PCED1B: variants seen among roughly 807,000 people sequenced by gnomAD.
PCED1B encodes PC-esterase domain containing 1B.
For synonymous variants in PCED1B, 251 were observed against 246.1 expected (o/e 1.02, Z -0.19); for missense variants, 573 against 573.9 (o/e 1.00, Z 0.02).
intron 3 of PCED1B, among the ~76,000 whole-genome samples, chr12:47,217,493 A>AAAGAAAGAAAGAAAG (rs1943321310): frequency 7.3e-6 from 1 of 136,458 alleles, no homozygotes; most frequent in Non-Finnish European, 1.5e-5. Flanking sequence ...AGAAAGAAAG[A>AAAGAAAGAAAGAAAG]AAGAAAGAAA....
rs114032126 is a variant in PCED1B, at chr12:47,124,241, T to A, written c.-526+20046T>A. On this transcript the variant is annotated intron_variant, in intron 2 of 3. Coordinates refer to ENST00000546455, the MANE Select transcript of PCED1B (RefSeq NM_138371.3). ...TTTTACCACTATAGATTAGTTTTAA[T>A]TTTTTATAATTTTACATAATGGAAT... is the stretch of plus-strand genomic sequence containing the variant. 5.1e-3 allele frequency among the ~76,000 whole-genome samples: 774 copies of A among 152,142 alleles called. 6 individuals carry two copies. The highest frequency in any genetic ancestry group is 0.017 in the African/African-American group (706 of 41,572).
intron 3 of PCED1B, among the ~76,000 whole-genome samples, chr12:47,218,879 G>T (rs1943386843): frequency 6.6e-6 from 1 of 151,960 alleles, no homozygotes; most frequent in African/African-American, 2.4e-5. Flanking sequence ...GGTGACTCAG[G>T]CCTGTAATCC....
chr12:47,120,968 T>A (rs1378712725), intron 2 of PCED1B, among the ~76,000 whole-genome samples: 1 of 152,106 alleles, frequency 6.6e-6, no homozygotes, highest in Admixed American at 6.5e-5. Context: ...AGAAGGTAGA[T>A]TCGTGGCTGC....
intron 1 of PCED1B, among the ~76,000 whole-genome samples, chr12:47,080,718 A>G (rs1474644001): frequency 6.6e-6 from 1 of 152,168 alleles, no homozygotes; most frequent in Non-Finnish European, 1.5e-5. Flanking sequence ...CAAAGATAAG[A>G]GTATTAACCC....
At chr12:47,132,633 C>A (rs1052221623) in intron 2 of PCED1B, among the ~76,000 whole-genome samples, 1 of 152,096 alleles carries the variant, frequency 6.6e-6, no homozygotes, top group African/African-American at 2.4e-5. Flanking sequence ...TCCAGACAAC[C>A]CTAACTAAAC....
rs75778221 is a variant in PCED1B, at chr12:47,139,207, C to A, written c.-526+35012C>A. Among the ~76,000 whole-genome samples the A allele has an allele frequency of 5.2e-3, 789 of 152,110 alleles. 6 individuals carry two copies. The highest frequency in any genetic ancestry group is 0.017 in the African/African-American group (722 of 41,508). ...AAGTTACTTCTCTTTTTGAAGCTTC[C>A]CTCCTGTTGTGTGCAAAATGAGGAT... On this transcript the variant is annotated intron_variant, in intron 2 of 3. Transcript: ENST00000546455.
rs1255973674 is a variant in PCED1B, at chr12:47,234,987, C to T, written c.-57-20C>T. ...GCCCAGAGGTGAGTCCCTCCCAGCCCTTCTCTCCTTCTGTCCTAGCCATCC... is the reference window on the plus strand; with the variant it reads ...GCCCAGAGGTGAGTCCCTCCCAGCCTTTCTCTCCTTCTGTCCTAGCCATCC... On this transcript the variant is annotated intron_variant, in intron 3 of 3. Transcript: ENST00000546455. The T allele has an allele frequency of 5.8e-6, 8 of 1,387,178 alleles. No individual in the cohort carries two copies. Among genetic ancestry groups the T allele is most frequent in the South Asian group, 3.1e-5 (2 of 64,406 alleles). The allele number at this position is 1,387,178 out of a possible 1,614,324, so 85.9% of individuals were successfully genotyped here.
chr12:47,211,154 C>G (rs1038813050), intron 2 of PCED1B, among the ~76,000 whole-genome samples: 6 of 152,146 alleles, frequency 3.9e-5, no homozygotes, highest in Admixed American at 3.3e-4. Context: ...ACATTGAATT[C>G]TAGTTATCTG....
chr12:47,230,664 A>AC (rs1379783622), intron 3 of PCED1B, among the ~76,000 whole-genome samples: 2 of 149,244 alleles, frequency 1.3e-5, no homozygotes, highest in Non-Finnish European at 3.0e-5. Context: ...CTGGTCTTGA[A>AC]CTCCTGATCT....
chr12:47,143,864 A>G (rs1333194680), intron 2 of PCED1B, among the ~76,000 whole-genome samples: 1 of 152,228 alleles, frequency 6.6e-6, no homozygotes, highest in Non-Finnish European at 1.5e-5. Context: ...AAATAGACAC[A>G]TAGATAAACA....
At chr12:47,166,025 C>T (rs1015344291) in intron 2 of PCED1B, among the ~76,000 whole-genome samples, 5 of 152,162 alleles carry the variant, frequency 3.3e-5, no homozygotes, top group Admixed American at 1.3e-4. Context: ...CACCACGAGA[C>T]TTGATTAAAC....
chr12:47,192,170 TTTG>T (rs1565593004), intron 2 of PCED1B, among the ~76,000 whole-genome samples: 7 of 151,152 alleles, frequency 4.6e-5, no homozygotes, highest in Non-Finnish European at 8.8e-5. Flanking sequence ...GCTTTTTTTT[TTTG>T]TTTTTTTTTT....
At chr12:47,153,534 T>G (rs1157245377) in intron 2 of PCED1B, among the ~76,000 whole-genome samples, 3 of 152,076 alleles carry the variant, frequency 2.0e-5, no homozygotes, top group African/African-American at 7.2e-5. Context: ...CCTTTGAATA[T>G]AAGGACAAAG....
At chr12:47,161,469 A>G (rs1448718271) in intron 2 of PCED1B, among the ~76,000 whole-genome samples, 1 of 152,194 alleles carries the variant, frequency 6.6e-6, no homozygotes, top group African/African-American at 2.4e-5. Flanking sequence ...TGTTTTGATT[A>G]CTATAACTGT....
intron 2 of PCED1B, among the ~76,000 whole-genome samples, chr12:47,125,200 G>T (rs569975810): frequency 4.6e-5 from 7 of 151,910 alleles, no homozygotes; most frequent in Non-Finnish European, 1.5e-5. Context: ...CACTGCCCAA[G>T]GTATGGAGAG....
chr12:47,211,853 A>C (rs1475438874), intron 2 of PCED1B, among the ~76,000 whole-genome samples: 3 of 151,332 alleles, frequency 2.0e-5, no homozygotes, highest in Non-Finnish European at 4.4e-5. Context: ...AGGCGGGCGG[A>C]TCACGAGGTC....
intron 2 of PCED1B, among the ~76,000 whole-genome samples, chr12:47,192,895 A>G (rs1196910600): frequency 6.6e-6 from 1 of 152,164 alleles, no homozygotes; most frequent in Non-Finnish European, 1.5e-5. Context: ...AAGAAAATGT[A>G]TTTTGGTGAA....
chr12:47,116,870 C>A (rs1222210650), intron 2 of PCED1B, among the ~76,000 whole-genome samples: 1 of 152,198 alleles, frequency 6.6e-6, no homozygotes, highest in African/African-American at 2.4e-5. Context: ...CATATATCAA[C>A]AATTTACTCA....
chr12:47,122,098 T>C (rs1309638646), intron 2 of PCED1B, among the ~76,000 whole-genome samples: 2 of 151,608 alleles, frequency 1.3e-5, no homozygotes, highest in East Asian at 3.9e-4. Flanking sequence ...TATAGTTTGG[T>C]CCTCATGAAG....
Sources: allele counts gnomAD v4.1 joint callset (sites outside exome capture counted in the v4.1 genomes callset), GRCh38; gene constraint gnomAD v4.1.1; transcripts MANE v1.5; gene names NCBI Gene and HGNC (gene_info 2026-07-23, HGNC 2026-07-21).